The following ANKRD17 variants were observed in gnomAD, a reference collection of about 807,000 sequenced individuals.
The protein encoded by ANKRD17 is ankyrin repeat domain 17, also known as ankyrin repeat domain-containing protein 17.
In ANKRD17, 19 loss-of-function variants were observed where a neutral mutation model predicts 229.7. That is an observed-to-expected ratio of 0.08 (90% CI 0.06 to 0.12). The LOEUF (loss-of-function observed/expected upper bound fraction) is 0.12. Among genes scored for constraint, ANKRD17 ranks in the 10% least tolerant of loss-of-function variants. ANKRD17 has a pLI of 1.00. For missense variants in ANKRD17, 2,176 were observed against 3,176.8 expected (o/e 0.68, Z 7.57); for synonymous variants, 1,112 against 1,146.1 (o/e 0.97, Z 0.60).
intron 24 of ANKRD17, among the ~76,000 whole-genome samples, chr4:73,106,610 G>C (rs938092926): frequency 3.9e-5 from 6 of 152,172 alleles, no homozygotes; most frequent in African/African-American, 1.2e-4. Context: ...GCTGGGCACG[G>C]TGGCTCACGC....
Position 73,091,285 on chromosome 4 carries a change from C to G in ANKRD17, c.6343G>C (p.Val2115Leu), listed in dbSNP as rs1315443744. The G allele has an allele frequency of 1.2e-6, 2 of 1,614,212 alleles. No individual in the cohort carries two copies. The highest frequency in any genetic ancestry group is 1.7e-6 in the Non-Finnish European group (2 of 1,180,048). The change falls in exon 29 of 34, where the codon GTT becomes CTT. Residue 2115 changes from valine (V) to leucine (L), a missense_variant. Physicochemically the swap from Val to Leu is conservative, Grantham distance 32 (BLOSUM62 1). Transcript: ENST00000358602. ...HSNQQQPPGS[V>L]SQEPRPPLQQ... ...AGAGGTGGTCTTGGTTCCTGAGAAA[C>G]AGATCCCGGAGGTTGTTGCTGATTA...
chr4:73,159,313 T>C (rs546304266), intron 3 of ANKRD17, among the ~76,000 whole-genome samples: 2 of 152,004 alleles, frequency 1.3e-5, no homozygotes, highest in South Asian at 4.1e-4. Context: ...TCTCTCTCTG[T>C]CTCTTTCACT....
At position 73,121,521 on chromosome 4, in the gene ANKRD17, G is replaced by A. The variant is rs750123194; in HGVS notation, c.3635+96C>T. ...TTTGAATGCCAAATTTGTAATAAAG[G>A]GATTTACTAAATTTGGCACTAAAAA... On this transcript the variant is annotated intron_variant, in intron 19 of 33. Coordinates refer to ENST00000358602, the MANE Select transcript of ANKRD17 (RefSeq NM_032217.5). 360 of 1,409,418 alleles carry A rather than the reference G, an allele frequency of 2.6e-4. 2 individuals are homozygous for A. The highest frequency in any genetic ancestry group is 4.1e-4 in the Admixed American group (23 of 55,892). The allele number at this position is 1,409,418 out of a possible 1,614,324, so 87.3% of individuals were successfully genotyped here. A position where few individuals can be genotyped will look rare whatever the true frequency, so the allele number is the denominator to read the frequency against.
At chr4:73,258,253 T>C in intron 1 of ANKRD17, 23 bp downstream of exon 1, 1 of 1,613,518 alleles carries the variant, frequency 6.2e-7, no homozygotes, top group Non-Finnish European at 8.5e-7. Context: ...TCCTCCCTCC[T>C]TCCTTTGAAA....
At chr4:73,158,180 G>GAA (rs1334080924) in intron 3 of ANKRD17, among the ~76,000 whole-genome samples, 1 of 151,246 alleles carries the variant, frequency 6.6e-6, no homozygotes, top group East Asian at 1.9e-4. Context: ...AAGAAAGAAA[G>GAA]AAAGAAAGAG....
intron 2 of ANKRD17, among the ~76,000 whole-genome samples, chr4:73,173,382 G>GATCTTCCACAGAGAAAATCAACAAAGA (rs1484681532): frequency 6.6e-5 from 10 of 152,126 alleles, no homozygotes; most frequent in Non-Finnish European, 1.5e-4. Context: ...GCATTGGACA[G>GATCTTCCACAGAGAAAATCAACAAAGA]ATCTTCCACA....
chr4:73,147,749 C>T (rs1181754497), intron 8 of ANKRD17, among the ~76,000 whole-genome samples: 2 of 151,850 alleles, frequency 1.3e-5, no homozygotes, highest in Non-Finnish European at 2.9e-5. Flanking sequence ...GATAAAGATA[C>T]TGGTGATAAT....
intron 24 of ANKRD17, among the ~76,000 whole-genome samples, chr4:73,103,459 AAACT>A (rs1333159074): frequency 6.6e-6 from 1 of 152,168 alleles, no homozygotes; most frequent in Non-Finnish European, 1.5e-5. Context: ...CATAGTCAAA[AAACT>A]AACTGTAGGT....
At chr4:73,157,941 A>T (rs976159912) in intron 3 of ANKRD17, among the ~76,000 whole-genome samples, 1 of 151,900 alleles carries the variant, frequency 6.6e-6, no homozygotes, top group African/African-American at 2.4e-5. Flanking sequence ...TACAAAAAAA[A>T]ATTAGCCGGG....
intron 1 of ANKRD17, among the ~76,000 whole-genome samples, chr4:73,222,135 T>C (rs1741938768): frequency 1.3e-5 from 2 of 152,006 alleles, no homozygotes; most frequent in Non-Finnish European, 2.9e-5. Context: ...AGGTTTTATC[T>C]AATGAGGAAA....
At chr4:73,162,836 T>A (rs1732707915) in intron 2 of ANKRD17, among the ~76,000 whole-genome samples, 1 of 152,016 alleles carries the variant, frequency 6.6e-6, no homozygotes, top group Non-Finnish European at 1.5e-5. Context: ...CAGCATCACT[T>A]GTGGTGCTTT....
chr4:73,205,985 C>T (rs912493195), intron 1 of ANKRD17, among the ~76,000 whole-genome samples: 4 of 151,996 alleles, frequency 2.6e-5, no homozygotes, highest in Non-Finnish European at 5.9e-5. Flanking sequence ...GGAAAAAATG[C>T]TCAACATCAC....
intron 25 of ANKRD17, among the ~76,000 whole-genome samples, chr4:73,101,985 C>G (rs1263774159): frequency 6.6e-6 from 1 of 151,900 alleles, no homozygotes; most frequent in African/African-American, 2.4e-5. Flanking sequence ...GGCTGGAGTG[C>G]AGTGGTGCCA....
chr4:73,115,733 C>G, intron 23 of ANKRD17, 88 bp downstream of exon 23: 1 of 1,000,788 alleles, frequency 1.0e-6, no homozygotes, highest in Non-Finnish European at 1.5e-6. Context: ...CTACATATTA[C>G]ACTTTACTAC....
intron 15 of ANKRD17, among the ~76,000 whole-genome samples, chr4:73,136,537 C>T (rs978170926): frequency 2.6e-5 from 4 of 151,758 alleles, no homozygotes; most frequent in Non-Finnish European, 4.4e-5. Flanking sequence ...AAAGGAAAAA[C>T]GAAGGAGAAA....
At chr4:73,191,341 A>ATGTGTGTGTGTGTGTGTG (rs71655741) in intron 1 of ANKRD17, among the ~76,000 whole-genome samples, 2,211 of 125,212 alleles carry the variant, frequency 0.018, 37 homozygotes, top group African/African-American at 0.025. Flanking sequence ...AAAAATATAT[A>ATGTGTGTGTGTGTGTGTG]TGTGTGTGTG....
At chr4:73,076,803 T>C (rs2110078744) in intron 33 of ANKRD17, 137 bp downstream of exon 33, 2 of 1,067,554 alleles carry the variant, frequency 1.9e-6, no homozygotes, top group East Asian at 2.5e-5. Context: ...CCCTCTGCTA[T>C]ATTGCAGCTA....
At chr4:73,242,658 T>C (rs1160275943) in intron 1 of ANKRD17, among the ~76,000 whole-genome samples, 4 of 152,196 alleles carry the variant, frequency 2.6e-5, no homozygotes, top group Non-Finnish European at 5.9e-5. Flanking sequence ...AGAAGCTCAA[T>C]GAGTGAGAAC....
At chr4:73,120,745 AATG>A (rs1560547378) in intron 20 of ANKRD17, 133 bp downstream of exon 20, 12 of 755,714 alleles carry the variant, frequency 1.6e-5, no homozygotes, top group Non-Finnish European at 2.1e-5. Context: ...AGTTATACAG[AATG>A]ATTTCTAATT....
Sources: allele counts gnomAD v4.1 joint callset (sites outside exome capture counted in the v4.1 genomes callset), GRCh38; gene constraint gnomAD v4.1.1; transcripts MANE v1.5; gene names NCBI Gene and HGNC (gene_info 2026-07-23, HGNC 2026-07-21).